Variants in TAFA1 observed in about 807,000 individuals in gnomAD.
The protein encoded by TAFA1 is TAFA chemokine like family member 1.
Under a neutral mutation model 18.5 loss-of-function variants are expected in TAFA1, and 4 were observed. That is an observed-to-expected ratio of 0.22 (90% confidence interval 0.11 to 0.49). TAFA1 has a LOEUF of 0.49. Ranked by LOEUF, TAFA1 falls within the 20% of genes least tolerant of loss-of-function variation. TAFA1 has a pLI of 0.98. For missense variants in TAFA1, 147 were observed against 169.0 expected (o/e 0.87, Z 0.72); for synonymous variants, 56 against 55.2 (o/e 1.01, Z -0.06).
chr3:68,206,218 T>C (rs1394945242), intron 2 of TAFA1, among the ~76,000 whole-genome samples: 3 of 151,844 alleles, frequency 2.0e-5, no homozygotes, highest in Admixed American at 1.3e-4. Flanking sequence ...ATTAAGGGGA[T>C]GGAATGATGG....
chr3:68,473,757 G>A (rs2072042589), intron 3 of TAFA1, among the ~76,000 whole-genome samples: 1 of 152,112 alleles, frequency 6.6e-6, no homozygotes. Context: ...TGTGCTTTCT[G>A]CTCAGAAAAG....
intron 2 of TAFA1, among the ~76,000 whole-genome samples, chr3:68,121,249 ATGTGTGTGTGTGTGTGTGTGTGTG>A (rs67968765): frequency 6.8e-6 from 1 of 147,970 alleles, no homozygotes; most frequent in Non-Finnish European, 1.5e-5. Context: ...ATGTACATTA[ATGTGTGTGTGTGTGTGTGTGTGTG>A]TGTGTGTGTG....
chr3:68,054,719 A>G (rs769379193), intron 2 of TAFA1, among the ~76,000 whole-genome samples: 1 of 152,224 alleles, frequency 6.6e-6, no homozygotes, highest in African/African-American at 2.4e-5. Context: ...ACTGTTTACT[A>G]TCTGGTGCTT....
At chr3:68,462,045 T>C (rs1305070213) in intron 3 of TAFA1, among the ~76,000 whole-genome samples, 1 of 152,104 alleles carries the variant, frequency 6.6e-6, no homozygotes, top group Non-Finnish European at 1.5e-5. Context: ...AAGTTACACT[T>C]TGGAAAACTC....
At chr3:68,084,351 T>A (rs1378945618) in intron 2 of TAFA1, among the ~76,000 whole-genome samples, 1 of 152,192 alleles carries the variant, frequency 6.6e-6, no homozygotes, top group Non-Finnish European at 1.5e-5. Flanking sequence ...ATGTCTTTGT[T>A]GTATCAGTAG....
chr3:68,166,556 A>G lies in TAFA1; in HGVS notation c.118+159812A>G, dbSNP rs550428166. On this transcript the variant is annotated intron_variant, in intron 2 of 4. Transcript: ENST00000478136. Reference sequence around the variant, plus strand: ...CAATGGGGTGTGTTGCACAGTGGATAAGAAGACTGCAGCACAATTCGTACC... The same window carrying G: ...CAATGGGGTGTGTTGCACAGTGGATGAGAAGACTGCAGCACAATTCGTACC... Among the ~76,000 whole-genome samples, 25 of 152,286 alleles carry G rather than the reference A, an allele frequency of 1.6e-4. No homozygotes were observed. The South Asian group carries it at 4.1e-3, about 25-fold the overall frequency.
At chr3:68,361,094 A>G (rs914075601) in intron 2 of TAFA1, among the ~76,000 whole-genome samples, 1 of 152,020 alleles carries the variant, frequency 6.6e-6, no homozygotes, top group African/African-American at 2.4e-5. Flanking sequence ...TAAAATAATT[A>G]TTGTATAGGT....
chr3:68,097,675 A>G (rs890118884), intron 2 of TAFA1, among the ~76,000 whole-genome samples: 13 of 152,150 alleles, frequency 8.5e-5, no homozygotes, highest in African/African-American at 3.1e-4. Context: ...TATTTTGTCT[A>G]TCTTGTTCAC....
intron 2 of TAFA1, among the ~76,000 whole-genome samples, chr3:68,211,367 A>C (rs1399711928): frequency 6.6e-6 from 1 of 152,080 alleles, no homozygotes; most frequent in Non-Finnish European, 1.5e-5. Context: ...TGTGAAGGAT[A>C]TATTTAAGAG....
At chr3:68,361,670 T>C (rs1424436785) in intron 2 of TAFA1, among the ~76,000 whole-genome samples, 1 of 150,700 alleles carries the variant, frequency 6.6e-6, no homozygotes, top group Non-Finnish European at 1.5e-5. Context: ...AAAAACAAGA[T>C]TAAACTGTAA....
At chr3:68,109,181 A>T (rs2065236928) in intron 2 of TAFA1, among the ~76,000 whole-genome samples, 1 of 152,154 alleles carries the variant, frequency 6.6e-6, no homozygotes, top group Admixed American at 6.6e-5. Context: ...TTGAGTTGAA[A>T]AGAAAAAAAA....
chr3:68,476,597 T>C (rs1177386315), intron 3 of TAFA1, among the ~76,000 whole-genome samples: 1 of 152,204 alleles, frequency 6.6e-6, no homozygotes, highest in Admixed American at 6.5e-5. Flanking sequence ...TCAAGTTGAC[T>C]TAAGGTGGCT....
chr3:68,494,495 T>C (rs1044913341), intron 3 of TAFA1, among the ~76,000 whole-genome samples: 1 of 152,170 alleles, frequency 6.6e-6, no homozygotes, highest in Non-Finnish European at 1.5e-5. Context: ...CCAATCTCCC[T>C]CACAGGCAGG....
chr3:68,478,557 T>C (rs73092847), intron 3 of TAFA1, among the ~76,000 whole-genome samples: 33,272 of 152,158 alleles, frequency 0.22, 4,610 homozygotes, highest in East Asian at 0.49. Context: ...GCTGGAATCA[T>C]TTCTGTGCCA....
chr3:68,282,861 G>A (rs902517146), intron 2 of TAFA1, among the ~76,000 whole-genome samples: 2 of 152,098 alleles, frequency 1.3e-5, no homozygotes, highest in South Asian at 2.1e-4. Flanking sequence ...TTGCTAAACT[G>A]TTGGTCAGCT....
At chr3:68,384,908 A>G (rs186196685) in intron 2 of TAFA1, among the ~76,000 whole-genome samples, 76 of 152,204 alleles carry the variant, frequency 5.0e-4, no homozygotes, top group African/African-American at 1.8e-3. Context: ...ACCCTTTACC[A>G]TTATGTAATG....
At chr3:68,384,367 G>T (rs780111138) in intron 2 of TAFA1, among the ~76,000 whole-genome samples, 1 of 151,886 alleles carries the variant, frequency 6.6e-6, no homozygotes, top group African/African-American at 2.4e-5. Flanking sequence ...CTTGCATGTT[G>T]TATGTTTGTT....
At chr3:68,261,802 A>T (rs1445041588) in intron 2 of TAFA1, among the ~76,000 whole-genome samples, 1 of 151,996 alleles carries the variant, frequency 6.6e-6, no homozygotes. Flanking sequence ...GCATTAGGAG[A>T]TATACTTAAT....
intron 2 of TAFA1, among the ~76,000 whole-genome samples, chr3:68,159,423 T>A (rs1370640160): frequency 6.6e-6 from 1 of 152,250 alleles, no homozygotes; most frequent in Non-Finnish European, 1.5e-5. Context: ...CCAGAACGTC[T>A]GTGGTCAAAC....
Sources: allele counts gnomAD v4.1 joint callset (sites outside exome capture counted in the v4.1 genomes callset), GRCh38; gene constraint gnomAD v4.1.1; transcripts MANE v1.5; gene names NCBI Gene and HGNC (gene_info 2026-07-23, HGNC 2026-07-21).